FRMD4A: variants seen among roughly 807,000 people sequenced by gnomAD.
The protein encoded by FRMD4A is FERM domain containing 4A, also known as FERM domain-containing protein 4A.
Under a neutral mutation model 129.1 loss-of-function variants are expected in FRMD4A, and 29 were observed. The observed-to-expected ratio is 0.22, with a 90% CI of 0.17 to 0.31. The LOEUF (loss-of-function observed/expected upper bound fraction) is 0.31. FRMD4A is among the 10% of genes least tolerant of loss of function. The pLI, the probability that FRMD4A is intolerant of heterozygous loss-of-function variation, is 1.00. For missense variants in FRMD4A, 1,272 were observed against 1,375.8 expected (o/e 0.92, Z 1.19); for synonymous variants, 634 against 571.6 (o/e 1.11, Z -1.56).
Position 14,133,260 on chromosome 10 carries a change from C to A in FRMD4A, c.45+196798G>T, listed in dbSNP as rs551989217. Among the ~76,000 whole-genome samples the A allele has an allele frequency of 2.6e-5, 4 of 152,256 alleles. No individual in the cohort carries two copies. In the South Asian group the frequency reaches 8.3e-4, roughly 32 times the overall value. ...CAAGAAAATACCACTTTGTTAAAGCCTGAAGGCTTTAAATATAAAGCTGGT... is the reference window on the plus strand; with the variant it reads ...CAAGAAAATACCACTTTGTTAAAGCATGAAGGCTTTAAATATAAAGCTGGT... On this transcript the variant is annotated intron_variant, in intron 2 of 24. Transcript: ENST00000357447.
intron 2 of FRMD4A, among the ~76,000 whole-genome samples, chr10:14,104,980 C>T (rs1288479040): frequency 1.3e-5 from 2 of 152,210 alleles, no homozygotes; most frequent in African/African-American, 4.8e-5. Flanking sequence ...ACCAAGCTCT[C>T]CTCCACTGTG....
At chr10:14,226,844 C>T (rs1843454930) in intron 2 of FRMD4A, among the ~76,000 whole-genome samples, 1 of 152,142 alleles carries the variant, frequency 6.6e-6, no homozygotes, top group Middle Eastern at 3.4e-3. Context: ...TCCTGGTCCG[C>T]TTTACTGCCC....
At chr10:14,166,511 A>G (rs10796164) in intron 2 of FRMD4A, among the ~76,000 whole-genome samples, 84,193 of 152,034 alleles carry the variant, frequency 0.55, 23,488 homozygotes, top group East Asian at 0.71. Context: ...TTTTTCAACA[A>G]AAGTAAAGTC....
intron 2 of FRMD4A, among the ~76,000 whole-genome samples, chr10:13,997,644 A>G (rs12572267): frequency 0.29 from 40,075 of 138,854 alleles, 6,785 homozygotes; most frequent in East Asian, 0.73. Flanking sequence ...TTTTTTTGAG[A>G]TAATATCTTA....
At position 14,213,265 on chromosome 10, in the gene FRMD4A, A is replaced by T. The variant is rs569809466; in HGVS notation, c.45+116793T>A. Reference sequence around the variant, plus strand: ...TCTCTAAATAAATAAATAAATAAACAAATAAATAAATACAGGGTACATCAG... The same window carrying T: ...TCTCTAAATAAATAAATAAATAAACTAATAAATAAATACAGGGTACATCAG... On this transcript the variant is annotated intron_variant, in intron 2 of 24. Coordinates refer to ENST00000357447, the MANE Select transcript of FRMD4A (RefSeq NM_018027.5). Among the ~76,000 whole-genome samples, 24 of 152,286 alleles carry T rather than the reference A, an allele frequency of 1.6e-4. No homozygotes were observed. The South Asian group carries it at 4.8e-3, about 30-fold the overall frequency.
At chr10:14,180,705 G>C (rs1424449722) in intron 2 of FRMD4A, among the ~76,000 whole-genome samples, 2 of 152,352 alleles carry the variant, frequency 1.3e-5, no homozygotes, top group Admixed American at 1.3e-4. Context: ...AAACTGTGGA[G>C]CAGAGCTGAC....
rs1201522626 is a variant in FRMD4A at position 14,201,179 on chromosome 10, C to T, written c.45+128879G>A. On this transcript the variant is annotated intron_variant, in intron 2 of 24. Coordinates refer to ENST00000357447, the MANE Select transcript of FRMD4A (RefSeq NM_018027.5). Reference sequence around the variant, plus strand: ...GGTCTGAGTTGCAGCTCACGGGGATCTTCCTCCAAGCTTCTCCGTTTTGAT... The same window carrying T: ...GGTCTGAGTTGCAGCTCACGGGGATTTTCCTCCAAGCTTCTCCGTTTTGAT... Among the ~76,000 whole-genome samples the T allele has an allele frequency of 5.3e-5, 8 of 152,342 alleles. No homozygotes were observed. The East Asian group carries it at 1.5e-3, about 29-fold the overall frequency.
chr10:13,840,762 TG>T (rs2093950516), intron 3 of FRMD4A, among the ~76,000 whole-genome samples: 2 of 115,446 alleles, frequency 1.7e-5, no homozygotes, highest in South Asian at 2.9e-4. Flanking sequence ...CACTCCAGTG[TG>T]GGCAAAAAGA....
chr10:14,118,062 T>A (rs930188208), intron 2 of FRMD4A, among the ~76,000 whole-genome samples: 1 of 152,090 alleles, frequency 6.6e-6, no homozygotes, highest in Non-Finnish European at 1.5e-5. Flanking sequence ...ACCCAAGCAG[T>A]CAGCGCAGAC....
chr10:13,666,245 G>C lies in FRMD4A; in HGVS notation c.1455C>G (p.Asp485Glu), dbSNP rs7906126. 14 of 1,614,060 alleles carry C rather than the reference G, an allele frequency of 8.7e-6. No homozygotes were observed. The East Asian group carries it at 2.5e-4, about 28-fold the overall frequency. ...TCTTCAGTTTTTTGCTGACGTTGGG[G>C]TCACTGGCTAGGCGGCGGGCGGCCT... ...ITEAARRLASDPNVSKKLKKQ... is the reference protein window; with the variant it reads ...ITEAARRLASEPNVSKKLKKQ... Residue 485 changes from aspartate to glutamate, a missense_variant, in exon 18 of 25, where the codon GAC becomes GAG. By Grantham distance (45) the Asp-to-Glu change is conservative (BLOSUM62 2). Coordinates refer to ENST00000357447, the MANE Select transcript of FRMD4A (RefSeq NM_018027.5).
chr10:14,034,495 G>A (rs911374089), intron 2 of FRMD4A, among the ~76,000 whole-genome samples: 1 of 152,102 alleles, frequency 6.6e-6, no homozygotes, highest in African/African-American at 2.4e-5. Context: ...CTTCCATGAG[G>A]TGAATATATA....
chr10:14,158,835 AAAGAGGAGGAGGAGG>A, intron 2 of FRMD4A, among the ~76,000 whole-genome samples: 1 of 90,672 alleles, frequency 1.1e-5, no homozygotes, highest in South Asian at 3.6e-4. Context: ...GGAGGAGGAG[AAAGAGGAGGAGGAGG>A]AGGAGGAGGA....
chr10:13,846,159 T>G (rs1304093075), intron 3 of FRMD4A, among the ~76,000 whole-genome samples: 1 of 152,230 alleles, frequency 6.6e-6, no homozygotes, highest in African/African-American at 2.4e-5. Flanking sequence ...GCTAATATGA[T>G]GATTAATCAC....
At chr10:14,038,234 A>G (rs1166256210) in intron 2 of FRMD4A, among the ~76,000 whole-genome samples, 1 of 152,196 alleles carries the variant, frequency 6.6e-6, no homozygotes, top group African/African-American at 2.4e-5. Flanking sequence ...GAGGCAGGAG[A>G]ATGGCATGAA....
At chr10:14,165,177 C>T (rs372480246) in intron 2 of FRMD4A, among the ~76,000 whole-genome samples, 1 of 152,162 alleles carries the variant, frequency 6.6e-6, no homozygotes, top group African/African-American at 2.4e-5. Flanking sequence ...AAAACAAAAA[C>T]AAATAACCTC....
chr10:14,003,749 G>T (rs1383405163), intron 2 of FRMD4A, among the ~76,000 whole-genome samples: 1 of 152,142 alleles, frequency 6.6e-6, no homozygotes, highest in Non-Finnish European at 1.5e-5. Flanking sequence ...ACATGGGGTG[G>T]GCCACATAAA....
intron 2 of FRMD4A, among the ~76,000 whole-genome samples, chr10:13,981,154 C>G (rs1371363358): frequency 6.6e-6 from 1 of 152,082 alleles, no homozygotes; most frequent in Admixed American, 6.5e-5. Flanking sequence ...TGTTCTTGAT[C>G]TGTATTTGAC....
chr10:14,039,396 A>G (rs1258700511), intron 2 of FRMD4A, among the ~76,000 whole-genome samples: 3 of 145,472 alleles, frequency 2.1e-5, no homozygotes, highest in Admixed American at 6.8e-5. Context: ...CCATCCATCC[A>G]TCCATCCATC....
At chr10:13,837,729 T>G (rs2093898387) in intron 3 of FRMD4A, among the ~76,000 whole-genome samples, 1 of 152,236 alleles carries the variant, frequency 6.6e-6, no homozygotes. Flanking sequence ...TGTACCATCA[T>G]GCACTACGCC....
Sources: gnomAD v4.1 joint callset for allele counts (sites outside exome capture counted in the v4.1 genomes callset) on GRCh38, gnomAD v4.1.1 for gene constraint, MANE v1.5 for transcripts, NCBI Gene and HGNC (gene_info 2026-07-23, HGNC 2026-07-21) for gene names.